The following ELP4 variants were observed in gnomAD, a reference collection of about 807,000 sequenced individuals.
ELP4 encodes elongator acetyltransferase complex subunit 4, also known as elongator complex protein 4.
ELP4 carries 51 observed loss-of-function variants against 48.9 expected under a neutral mutation model. That is an observed-to-expected ratio of 1.04 (90% CI 0.83 to 1.32). The LOEUF (loss-of-function observed/expected upper bound fraction) is 1.32, where lower values mean the gene tolerates loss of function less well. Among genes scored for constraint, ELP4 ranks in the 40% most tolerant of loss-of-function variants. The pLI is 0.00. For synonymous variants in ELP4, 210 were observed against 189.2 expected (o/e 1.11, Z -0.90); for missense variants, 519 against 514.6 (o/e 1.01, Z -0.08).
chr11:31,723,483 G>A (rs1444226346), intron 9 of ELP4, among the ~76,000 whole-genome samples: 2 of 152,108 alleles, frequency 1.3e-5, no homozygotes, highest in African/African-American at 2.4e-5. Context: ...AGGACCCTTC[G>A]AAGCACAGTT....
chr11:31,587,362 GA>G lies in ELP4; in HGVS notation c.382-7401del, dbSNP rs561672025. Among the ~76,000 whole-genome samples, 7 of 152,172 alleles carry G rather than the reference GA, an allele frequency of 4.6e-5. No individual in the cohort carries two copies. In the South Asian group the frequency reaches 6.2e-4, roughly 14 times the overall value. On this transcript the variant is annotated intron_variant, in intron 3 of 9. Transcript: ENST00000640961. ...GTAACAGCACTGAAGTAATAGGGGG[GA>G]AAAAAACGAGATTTGAGGGAGAGGA...
At position 31,650,226 on chromosome 11, in the gene ELP4, G is replaced by A; in HGVS notation, c.1143+5G>A. On this transcript the variant is annotated splice_donor_5th_base_variant and intron_variant, in intron 9 of 9. Transcript: ENST00000640961. Reference sequence around the variant, plus strand: ...AGGAAGCTATTCACCATTGAGGTAAGAGAATTTTTATGTTTTAGTTTACAA... The same window carrying A: ...AGGAAGCTATTCACCATTGAGGTAAAAGAATTTTTATGTTTTAGTTTACAA... 1.0e-6 allele frequency: 1 copy of A among 978,304 alleles called. No homozygotes were observed. The highest frequency in any genetic ancestry group is 1.7e-5 in the South Asian group (1 of 60,504). The allele number at this position is 978,304 out of a possible 1,614,324, so 60.6% of individuals were successfully genotyped here.
chr11:31,544,495 G>C (rs541422203), intron 3 of ELP4, among the ~76,000 whole-genome samples: 4 of 152,304 alleles, frequency 2.6e-5, no homozygotes, highest in South Asian at 2.1e-4. Flanking sequence ...CAAAGCAGCC[G>C]GAAAGCTCCA....
At chr11:31,697,549 T>C (rs1297891172) in intron 9 of ELP4, among the ~76,000 whole-genome samples, 1 of 152,172 alleles carries the variant, frequency 6.6e-6, no homozygotes, top group Non-Finnish European at 1.5e-5. Flanking sequence ...TTACAGACTT[T>C]TAATGATGAT....
chr11:31,675,604 G>T (rs1945907538), intron 9 of ELP4, among the ~76,000 whole-genome samples: 1 of 152,166 alleles, frequency 6.6e-6, no homozygotes, highest in Non-Finnish European at 1.5e-5. Context: ...ATACAGGGCT[G>T]AAGTGATCAT....
At chr11:31,559,109 C>T (rs1437555628) in intron 3 of ELP4, among the ~76,000 whole-genome samples, 1 of 152,110 alleles carries the variant, frequency 6.6e-6, no homozygotes, top group Non-Finnish European at 1.5e-5. Context: ...AAAGGCAGCA[C>T]ACTGTCAAGG....
intron 9 of ELP4, among the ~76,000 whole-genome samples, chr11:31,730,425 C>T (rs1475237064): frequency 6.6e-6 from 1 of 152,084 alleles, no homozygotes; most frequent in Non-Finnish European, 1.5e-5. Context: ...TCCTAAAGGC[C>T]ACACCTCTTA....
At chr11:31,583,254 G>A (rs1162685101) in intron 3 of ELP4, among the ~76,000 whole-genome samples, 1 of 152,058 alleles carries the variant, frequency 6.6e-6, no homozygotes, top group Non-Finnish European at 1.5e-5. Flanking sequence ...CATGTATGTG[G>A]TAGAATCTGT....
intron 1 of ELP4, among the ~76,000 whole-genome samples, chr11:31,519,780 A>G (rs889688881): frequency 2.6e-5 from 4 of 151,582 alleles, no homozygotes; most frequent in Admixed American, 2.6e-4. Context: ...AGCTGAGAGG[A>G]GATTGTGCCA....
chr11:31,589,161 A>G (rs1046779530), intron 3 of ELP4, among the ~76,000 whole-genome samples: 2 of 152,206 alleles, frequency 1.3e-5, no homozygotes, highest in African/African-American at 4.8e-5. Context: ...AAATTGGCCC[A>G]CTAAGATTGT....
intron 9 of ELP4, among the ~76,000 whole-genome samples, chr11:31,659,278 G>A (rs1209615888): frequency 1.3e-5 from 2 of 152,040 alleles, no homozygotes; most frequent in African/African-American, 4.8e-5. Flanking sequence ...AGCCAGTTTA[G>A]GTTCTTTGTA....
intron 7 of ELP4, among the ~76,000 whole-genome samples, chr11:31,642,568 C>A (rs1388622852): frequency 2.0e-5 from 3 of 151,626 alleles, no homozygotes; most frequent in Non-Finnish European, 4.4e-5. Context: ...TTACAGTTTT[C>A]CTATGTGAAT....
At chr11:31,754,804 G>A (rs139913543) in intron 9 of ELP4, among the ~76,000 whole-genome samples, 2 of 152,230 alleles carry the variant, frequency 1.3e-5, no homozygotes, top group East Asian at 1.9e-4. Flanking sequence ...CCCAGGAGGC[G>A]GAGGTTGCAG....
intron 9 of ELP4, among the ~76,000 whole-genome samples, chr11:31,745,728 A>T (rs1344833285): frequency 6.6e-6 from 1 of 152,204 alleles, no homozygotes; most frequent in Non-Finnish European, 1.5e-5. Flanking sequence ...TACACCTTAT[A>T]CAAAAATTAA....
chr11:31,639,808 TA>T (rs891194119), intron 7 of ELP4, among the ~76,000 whole-genome samples: 15 of 151,828 alleles, frequency 9.9e-5, no homozygotes, highest in African/African-American at 3.6e-4. Flanking sequence ...CAGTAAACCA[TA>T]AAAAAAATTT....
At chr11:31,525,898 T>C (rs1166513692) in intron 2 of ELP4, among the ~76,000 whole-genome samples, 4 of 152,166 alleles carry the variant, frequency 2.6e-5, no homozygotes, top group Non-Finnish European at 5.9e-5. Context: ...TGGTCTGGTC[T>C]TTTATCTCTA....
intron 1 of ELP4, among the ~76,000 whole-genome samples, chr11:31,519,725 T>C (rs1956180744): frequency 6.6e-6 from 1 of 151,760 alleles, no homozygotes; most frequent in Non-Finnish European, 1.5e-5. Context: ...CTCAGGAGGC[T>C]GAGGCAGGAG....
chr11:31,586,850 C>T (rs574100351), intron 3 of ELP4, among the ~76,000 whole-genome samples: 7 of 152,112 alleles, frequency 4.6e-5, no homozygotes, highest in African/African-American at 1.7e-4. Flanking sequence ...CCATGTTGGT[C>T]AGGCTGGTCT....
At chr11:31,659,242 A>G (rs1472249089) in intron 9 of ELP4, among the ~76,000 whole-genome samples, 1 of 152,088 alleles carries the variant, frequency 6.6e-6, no homozygotes, top group Non-Finnish European at 1.5e-5. Context: ...TCATCACTCC[A>G]AGTCACAGTA....
Sources: allele counts gnomAD v4.1 joint callset (sites outside exome capture counted in the v4.1 genomes callset), GRCh38; gene constraint gnomAD v4.1.1; transcripts MANE v1.5; gene names NCBI Gene and HGNC (gene_info 2026-07-23, HGNC 2026-07-21).